NSUN2: variants seen among roughly 807,000 people sequenced by gnomAD.
NSUN2 encodes the protein NOP2/Sun RNA methyltransferase 2, also known as RNA cytosine C(5)-methyltransferase NSUN2.
Under a neutral mutation model 92.7 loss-of-function variants are expected in NSUN2, and 63 were observed. The observed-to-expected ratio is 0.68, with a 90% confidence interval of 0.56 to 0.84. The LOEUF is 0.84. Ranked by LOEUF, NSUN2 falls within the 40% of genes least tolerant of loss-of-function variation. The probability of loss-of-function intolerance (pLI) is 0.00; values close to 1 mark genes in which losing one functional copy is unlikely to be tolerated. For missense variants in NSUN2, 989 were observed against 964.9 expected, an observed-to-expected ratio of 1.02 and a Z score of -0.33; for synonymous variants, 356 against 348.3, an observed-to-expected ratio of 1.02 and a Z score of -0.25.
At chr5:6,613,016 C>A (rs1737065728) in intron 9 of NSUN2, among the ~76,000 whole-genome samples, 1 of 152,246 alleles carries the variant, frequency 6.6e-6, no homozygotes, top group Non-Finnish European at 1.5e-5. Context: ...TATCCATGCA[C>A]ACCGCCTCTG....
rs199525162 is a variant in NSUN2 at position 6,611,519 on chromosome 5, G to GA, written c.1095+205dup. 9.6e-3 allele frequency among the ~76,000 whole-genome samples: 1,388 copies of GA among 144,282 alleles called. 19 individuals carry two copies. The highest frequency in any genetic ancestry group is 0.033 in the African/African-American group (1,305 of 39,028). The allele number at this position is 144,282 out of a possible 152,430, so 94.7% of individuals were successfully genotyped here. ...AAAAGAGTTTATTTCTGTACGTGGA[G>GA]AAAAAAAAACTTTTCCACTGCCAGG... is the stretch of plus-strand genomic sequence containing the variant. On this transcript the variant is annotated intron_variant, in intron 10 of 18. Transcript: ENST00000264670.
In NSUN2 at chr5:6,602,466, A is replaced by G. The variant is rs1038468036; in HGVS notation, c.1992T>C (p.Asp664=). 2 of 1,613,928 alleles carry G rather than the reference A, an allele frequency of 1.2e-6. No individual in the cohort carries two copies. The highest frequency in any genetic ancestry group is 1.3e-5 in the African/African-American group (1 of 74,766). ...KGSIVLKYEP[D]SANPDALQCP... is the part of the protein sequence containing the mutation. ...CAGGGCGTGTACTGACTTACGCAGAATCTGGTTCATACTTCAGCACGATGC... is the reference window on the plus strand; with the variant it reads ...CAGGGCGTGTACTGACTTACGCAGAGTCTGGTTCATACTTCAGCACGATGC... The change falls in exon 18 of 19, where the codon GAT becomes GAC. Residue 664 remains aspartate (D), a synonymous_variant. Coordinates refer to ENST00000264670, the MANE Select transcript of NSUN2 (RefSeq NM_017755.6).
At chr5:6,613,019 C>T (rs534412839) in intron 9 of NSUN2, among the ~76,000 whole-genome samples, 15 of 152,318 alleles carry the variant, frequency 9.8e-5, no homozygotes, top group Admixed American at 7.8e-4. Context: ...CCATGCACAC[C>T]GCCTCTGACA....
At chr5:6,611,571 G>A (rs1294730456) in intron 10 of NSUN2, among the ~76,000 whole-genome samples, 154 bp downstream of exon 10, 1 of 151,686 alleles carries the variant, frequency 6.6e-6, no homozygotes, top group Non-Finnish European at 1.5e-5. Flanking sequence ...GTCATGAAAT[G>A]TGTCATGAAA....
intron 3 of NSUN2, among the ~76,000 whole-genome samples, chr5:6,627,775 T>C (rs1308942262): frequency 6.6e-6 from 1 of 152,228 alleles, no homozygotes; most frequent in Non-Finnish European, 1.5e-5. Flanking sequence ...TTATGTTTCT[T>C]ATACAGCTTT....
Position 6,607,386 on chromosome 5 carries a change from T to G in NSUN2, c.1324-2A>C, listed in dbSNP as rs1347579820. 6.2e-7 allele frequency: 1 copy of G among 1,605,236 alleles called. No individual in the cohort carries two copies. ...GGTCTCTGCAGATTTACCCTGAAGC[T>G]GTCATAAAGAACAATTTCATTGACA... On this transcript the variant is annotated splice_acceptor_variant, in intron 12 of 18. Coordinates refer to ENST00000264670, the MANE Select transcript of NSUN2 (RefSeq NM_017755.6). LOFTEE classifies it high-confidence loss of function.
intron 12 of NSUN2, among the ~76,000 whole-genome samples, chr5:6,607,858 G>A (rs879612114): frequency 6.6e-6 from 1 of 152,222 alleles, no homozygotes; most frequent in Non-Finnish European, 1.5e-5. Context: ...GAAAGAGAGA[G>A]TGCCCCAGGC....
At position 6,622,120 on chromosome 5, in the gene NSUN2, C is replaced by T. The variant is rs1737472554; in HGVS notation, c.538-20G>A. On this transcript the variant is annotated intron_variant, in intron 5 of 18. Transcript: ENST00000264670. ...TAAGATCTATTAACAAAGCAAGAAACTGTTTCATGTTTTTAAAAAACCAAA... is the reference window on the plus strand; with the variant it reads ...TAAGATCTATTAACAAAGCAAGAAATTGTTTCATGTTTTTAAAAAACCAAA... 5 of 1,588,864 alleles carry T rather than the reference C, an allele frequency of 3.1e-6. No homozygotes were observed. Among genetic ancestry groups the T allele is most frequent in the Non-Finnish European group, 2.6e-6 (3 of 1,163,616 alleles).
chr5:6,599,887 G>A lies in NSUN2; in HGVS notation c.*39C>T, dbSNP rs569366135. On this transcript the variant is annotated 3_prime_UTR_variant, in exon 19 of 19. Transcript: ENST00000264670. Reference sequence around the variant, plus strand: ...CCAGTGACCAGAAGAAGCCAGTTTTGCGTGTGAGGGGTGTGGGCCCCCGCT... The same window carrying A: ...CCAGTGACCAGAAGAAGCCAGTTTTACGTGTGAGGGGTGTGGGCCCCCGCT... The A allele has an allele frequency of 2.5e-6, 4 of 1,584,058 alleles. No individual in the cohort carries two copies. Among genetic ancestry groups the A allele is most frequent in the South Asian group, 2.2e-5 (2 of 89,306 alleles).
chr5:6,610,064 A>AT, intron 11 of NSUN2, 142 bp from the exon 12 acceptor site: 16 of 540,538 alleles, frequency 3.0e-5, no homozygotes, highest in East Asian at 6.9e-5. Context: ...TGTAAACTTA[A>AT]ATTTTTTTTT....
At chr5:6,617,155 T>C (rs1436066172) in intron 8 of NSUN2, among the ~76,000 whole-genome samples, 1 of 152,240 alleles carries the variant, frequency 6.6e-6, no homozygotes, top group African/African-American at 2.4e-5. Context: ...AATTTCACTA[T>C]TTAAAAAACC....
intron 14 of NSUN2, among the ~76,000 whole-genome samples, chr5:6,606,546 A>G (rs951707139): frequency 1.3e-5 from 2 of 152,030 alleles, no homozygotes; most frequent in African/African-American, 4.8e-5. Context: ...CGGCCTCCCA[A>G]AGTGCTGGGA....
Position 6,631,088 on chromosome 5 carries a change from C to T in NSUN2, c.359+785G>A, listed in dbSNP as rs1020451823. 8.5e-5 allele frequency among the ~76,000 whole-genome samples: 13 copies of T among 152,206 alleles called. No homozygotes were observed. In the East Asian group the frequency reaches 9.7e-4, roughly 11 times the overall value. On this transcript the variant is annotated intron_variant, in intron 3 of 18. Transcript: ENST00000264670. ...CAGCCTGGGCGACAGAGTGAGACTC[C>T]GTCTCCAAACAAACAAACAGACAAA...
intron 3 of NSUN2, among the ~76,000 whole-genome samples, chr5:6,629,315 G>A (rs900533733): frequency 6.6e-6 from 1 of 152,220 alleles, no homozygotes; most frequent in African/African-American, 2.4e-5. Context: ...TAAAAGGGCT[G>A]ATCAAATCCA....
intron 6 of NSUN2, chr5:6,621,331 A>T (rs1329208411): frequency 6.6e-6 from 1 of 152,108 alleles, no homozygotes; most frequent in Non-Finnish European, 1.5e-5. Flanking sequence ...CCCTTCATGT[A>T]AGGCAGTAAG....
rs375163317 is a variant in NSUN2 at position 6,605,264 on chromosome 5, G to C, written c.1737+9C>G. 6.2e-7 allele frequency: 1 copy of C among 1,613,944 alleles called. No individual in the cohort carries two copies. Among genetic ancestry groups the C allele is most frequent in the South Asian group, 1.1e-5 (1 of 91,058 alleles). ...ATCACACAGCACTCAGCGTCTGTGC[G>C]GCTGGCACCTTCATCTTCTCACTGT... On this transcript the variant is annotated intron_variant, in intron 15 of 18. Coordinates refer to ENST00000264670, the MANE Select transcript of NSUN2 (RefSeq NM_017755.6).
At chr5:6,627,732 C>T (rs980649103) in intron 3 of NSUN2, among the ~76,000 whole-genome samples, 2 of 152,042 alleles carry the variant, frequency 1.3e-5, no homozygotes, top group African/African-American at 4.8e-5. Flanking sequence ...GGCAACAAAG[C>T]GAGGCCCTGT....
chr5:6,631,211 T>G (rs563556256), intron 3 of NSUN2, among the ~76,000 whole-genome samples: 1 of 152,362 alleles, frequency 6.6e-6, no homozygotes, highest in South Asian at 2.1e-4. Context: ...GTAAGTTAAC[T>G]GAAGGACTGG....
At chr5:6,600,274 C>A in intron 18 of NSUN2, 42 bp from the exon 19 acceptor site, 1 of 1,555,306 alleles carries the variant, frequency 6.4e-7, no homozygotes, top group East Asian at 2.3e-5. Context: ...TAAACATTCC[C>A]ATAACTAAAT....
Sources: gnomAD v4.1 joint callset for allele counts (sites outside exome capture counted in the v4.1 genomes callset) on GRCh38, gnomAD v4.1.1 for gene constraint, MANE v1.5 for transcripts, NCBI Gene and HGNC (gene_info 2026-07-23, HGNC 2026-07-21) for gene names.